IPO11: variants seen among roughly 807,000 people sequenced by gnomAD.
IPO11 encodes importin 11.
IPO11 carries 66 observed loss-of-function variants against 143.2 expected under a neutral mutation model. The ratio of observed to expected loss-of-function variants is 0.46; its 90% CI spans 0.38 to 0.57. The LOEUF is 0.57. Among genes scored for constraint, IPO11 ranks in the 20% least tolerant of loss-of-function variants. The probability of loss-of-function intolerance (pLI) is 0.00; values close to 1 mark genes in which losing one functional copy is unlikely to be tolerated. For synonymous variants in IPO11, 385 were observed against 377.8 expected (o/e 1.02, Z -0.22); for missense variants, 1,026 against 1,141.0 (o/e 0.90, Z 1.45).
At chr5:62,561,591 A>G (rs1023736962) in intron 27 of IPO11, among the ~76,000 whole-genome samples, 2 of 152,184 alleles carry the variant, frequency 1.3e-5, no homozygotes, top group Admixed American at 6.5e-5. Context: ...TAAATATCTA[A>G]CATTTCAAAG....
At chr5:62,513,805 G>A (rs1741888324) in intron 19 of IPO11, among the ~76,000 whole-genome samples, 1 of 151,238 alleles carries the variant, frequency 6.6e-6, no homozygotes, top group African/African-American at 2.4e-5. Context: ...CGGGGTGGCA[G>A]CCAGGCGGAG....
At chr5:62,480,749 G>A (rs887619878) in intron 9 of IPO11, among the ~76,000 whole-genome samples, 1 of 151,982 alleles carries the variant, frequency 6.6e-6, no homozygotes, top group Non-Finnish European at 1.5e-5. Flanking sequence ...TATTACTGAT[G>A]TATAGGAATG....
intron 24 of IPO11, among the ~76,000 whole-genome samples, chr5:62,539,859 T>A (rs114957748): frequency 6.6e-6 from 1 of 152,232 alleles, no homozygotes; most frequent in African/African-American, 2.4e-5. Flanking sequence ...GCTTTGGTGA[T>A]AAATTCTTCT....
At chr5:62,437,816 T>C (rs891441190) in intron 2 of IPO11, among the ~76,000 whole-genome samples, 4 of 152,232 alleles carry the variant, frequency 2.6e-5, no homozygotes, top group African/African-American at 9.7e-5. Context: ...TATTTCACTT[T>C]AAAATGTTTT....
chr5:62,533,934 A>G (rs1742642819), intron 22 of IPO11, among the ~76,000 whole-genome samples: 1 of 146,904 alleles, frequency 6.8e-6, no homozygotes, highest in Non-Finnish European at 1.5e-5. Flanking sequence ...TGGGCAACAG[A>G]ACAAGATGCT....
chr5:62,459,839 T>G (rs989759552), intron 5 of IPO11, among the ~76,000 whole-genome samples: 10 of 152,138 alleles, frequency 6.6e-5, no homozygotes, highest in Admixed American at 5.9e-4. Flanking sequence ...CTGAGCCACC[T>G]CACCTGGCCT....
chr5:62,456,587 G>C (rs190565973), intron 5 of IPO11, among the ~76,000 whole-genome samples: 5 of 152,190 alleles, frequency 3.3e-5, no homozygotes, highest in Admixed American at 6.5e-5. Flanking sequence ...CTCCCAAGTA[G>C]CTGGGACCAC....
At chr5:62,585,689 C>G (rs1204930663) in intron 27 of IPO11, among the ~76,000 whole-genome samples, 1 of 151,714 alleles carries the variant, frequency 6.6e-6, no homozygotes, top group Non-Finnish European at 1.5e-5. Flanking sequence ...GTATAGAGAA[C>G]AGATTAGAGG....
At chr5:62,545,974 A>G (rs896381520) in intron 24 of IPO11, among the ~76,000 whole-genome samples, 8 of 152,202 alleles carry the variant, frequency 5.3e-5, no homozygotes, top group Non-Finnish European at 8.8e-5. Context: ...ATGTGGAGAA[A>G]TAGGAACACT....
At chr5:62,490,829 C>T (rs1299001064) in intron 15 of IPO11, among the ~76,000 whole-genome samples, 10 of 152,220 alleles carry the variant, frequency 6.6e-5, no homozygotes, top group South Asian at 6.2e-4. Context: ...AATCTCAGCT[C>T]ACTGCAACCT....
intron 12 of IPO11, among the ~76,000 whole-genome samples, chr5:62,487,480 A>G (rs990722403): frequency 7.2e-5 from 11 of 152,254 alleles, no homozygotes; most frequent in African/African-American, 2.6e-4. Context: ...AATTTAAGGT[A>G]TGATTAATTT....
chr5:62,414,195 T>C lies in IPO11; in HGVS notation c.-7+1266T>C, dbSNP rs114396636. Among the ~76,000 whole-genome samples the C allele has an allele frequency of 9.1e-3, 1,392 of 152,354 alleles. 20 individuals are homozygous for C. Among genetic ancestry groups the C allele is most frequent in the African/African-American group, 0.032 (1,311 of 41,576 alleles). ...ATCTGATCATTAATAGAACAATTTT[T>C]AGATTTTGTGATGTTTGAATATATT... On this transcript the variant is annotated intron_variant, in intron 1 of 29. Transcript: ENST00000325324.
chr5:62,613,298 CTTTTTTTTTT>C (rs372608086), intron 29 of IPO11, among the ~76,000 whole-genome samples: 3 of 69,086 alleles, frequency 4.3e-5, no homozygotes, highest in East Asian at 9.1e-4. Context: ...ACATGCTCTT[CTTTTTTTTTT>C]TTTTTTTTTT....
rs994432992 is a variant in IPO11, at chr5:62,494,213, TATG to T, written c.1590+93_1590+95del. On this transcript the variant is annotated intron_variant, in intron 16 of 29. Transcript: ENST00000325324. ...TTCACAACAGTTTATGTCTTTTCTTTATGATGTTTATGGCCTTTCACTGCACTA... is the reference window on the plus strand; with the variant it reads ...TTCACAACAGTTTATGTCTTTTCTTTATGTTTATGGCCTTTCACTGCACTA... The T allele has an allele frequency of 1.8e-5, 21 of 1,164,152 alleles. No homozygotes were observed. The African/African-American group carries it at 3.1e-4, about 17-fold the overall frequency. The allele number at this position is 1,164,152 out of a possible 1,614,324, so 72.1% of individuals were successfully genotyped here. A position where few individuals can be genotyped will look rare whatever the true frequency, so the allele number is the denominator to read the frequency against.
chr5:62,542,727 T>C lies in IPO11; in HGVS notation c.2250+5438T>C, dbSNP rs1743006260. On this transcript the variant is annotated intron_variant, in intron 24 of 29. Transcript: ENST00000325324. ...TTACTTTATTTTGTGACTGAACATG[T>C]TATCTAGAGGAATGTAATTATAAAA... is the stretch of plus-strand genomic sequence containing the variant. Among the ~76,000 whole-genome samples, 4 of 152,278 alleles carry C rather than the reference T, an allele frequency of 2.6e-5. 1 individual carries two copies. The South Asian group carries it at 8.3e-4, about 32-fold the overall frequency.
At chr5:62,419,873 A>T (rs371232813) in intron 1 of IPO11, among the ~76,000 whole-genome samples, 14 of 152,214 alleles carry the variant, frequency 9.2e-5, no homozygotes, top group African/African-American at 3.4e-4. Flanking sequence ...TCATCCCTGT[A>T]GTCCCAAGTC....
chr5:62,566,934 C>CG (rs1743964785), intron 27 of IPO11, among the ~76,000 whole-genome samples: 1 of 151,922 alleles, frequency 6.6e-6, no homozygotes, highest in African/African-American at 2.4e-5. Flanking sequence ...CTCAAGTGAT[C>CG]CTCCCACCTC....
At chr5:62,514,205 G>A (rs998050796) in intron 19 of IPO11, among the ~76,000 whole-genome samples, 1 of 152,080 alleles carries the variant, frequency 6.6e-6, no homozygotes, top group Admixed American at 6.5e-5. Flanking sequence ...CCGGGCAGGG[G>A]CTGCAATCTC....
chr5:62,439,767 A>G (rs978731384), intron 2 of IPO11, among the ~76,000 whole-genome samples: 3 of 152,124 alleles, frequency 2.0e-5, no homozygotes, highest in African/African-American at 4.8e-5. Flanking sequence ...TTTACAGTAG[A>G]TTAAAAAGCT....
Sources: gnomAD v4.1 joint callset for allele counts (sites outside exome capture counted in the v4.1 genomes callset) on GRCh38, gnomAD v4.1.1 for gene constraint, MANE v1.5 for transcripts, NCBI Gene and HGNC (gene_info 2026-07-23, HGNC 2026-07-21) for gene names.